PHLPP1: variants seen among roughly 807,000 people sequenced by gnomAD.
PHLPP1 encodes PH domain leucine-rich repeat-containing protein phosphatase 1.
A neutral mutation model predicts 117.2 loss-of-function variants in PHLPP1; 42 were observed. The observed-to-expected ratio is 0.36, with a 90% CI of 0.28 to 0.46. The LOEUF is 0.46. Among genes scored for constraint, PHLPP1 ranks in the 20% least tolerant of loss-of-function variants. The pLI, the probability that PHLPP1 is intolerant of heterozygous loss-of-function variation, is 1.00. For synonymous variants in PHLPP1, 1,042 were observed against 970.7 expected (o/e 1.07, Z -1.37); for missense variants, 2,084 against 2,241.9 (o/e 0.93, Z 1.42).
At chr18:62,748,495 C>T (rs1345611894) in intron 1 of PHLPP1, among the ~76,000 whole-genome samples, 3 of 152,138 alleles carry the variant, frequency 2.0e-5, no homozygotes, top group Admixed American at 6.5e-5. Flanking sequence ...AGTCTGCCGG[C>T]CTTGGCCACC....
intron 1 of PHLPP1, among the ~76,000 whole-genome samples, chr18:62,778,570 T>A (rs555310754): frequency 2.0e-5 from 3 of 152,334 alleles, no homozygotes; most frequent in African/African-American, 7.2e-5. Flanking sequence ...CATCAGGGCC[T>A]TGCTGTTGTT....
chr18:62,772,992 G>A (rs1226494548), intron 1 of PHLPP1, among the ~76,000 whole-genome samples: 2 of 151,816 alleles, frequency 1.3e-5, no homozygotes, highest in Non-Finnish European at 2.9e-5. Flanking sequence ...TGAGTACAAT[G>A]GACCTTTATG....
chr18:62,775,299 C>T (rs1311109197), intron 1 of PHLPP1, among the ~76,000 whole-genome samples: 1 of 152,144 alleles, frequency 6.6e-6, no homozygotes, highest in African/African-American at 2.4e-5. Flanking sequence ...GGGTTTTTAA[C>T]ATGTTGACCA....
At chr18:62,924,819 A>G (rs2144431386) in intron 10 of PHLPP1, among the ~76,000 whole-genome samples, 1 of 150,302 alleles carries the variant, frequency 6.7e-6, no homozygotes, top group East Asian at 2.0e-4. Flanking sequence ...AGCCTGGGTT[A>G]CAGAGTGTGA....
At chr18:62,861,186 T>C (rs1369422648) in intron 4 of PHLPP1, among the ~76,000 whole-genome samples, 1 of 152,134 alleles carries the variant, frequency 6.6e-6, no homozygotes, top group African/African-American at 2.4e-5. Context: ...CTCGGCTCAC[T>C]GCAACCTCCT....
At chr18:62,970,185 T>A (rs1216651606) in intron 14 of PHLPP1, among the ~76,000 whole-genome samples, 1 of 152,238 alleles carries the variant, frequency 6.6e-6, no homozygotes, top group African/African-American at 2.4e-5. Context: ...TACCTTCAAG[T>A]AATAGTAATG....
chr18:62,883,088 T>TA (rs1447675509), intron 4 of PHLPP1, among the ~76,000 whole-genome samples: 1 of 152,032 alleles, frequency 6.6e-6, no homozygotes, highest in African/African-American at 2.4e-5. Flanking sequence ...GATCCAAATG[T>TA]AAAAAATAAA....
intron 8 of PHLPP1, among the ~76,000 whole-genome samples, chr18:62,912,330 TAAA>T (rs1274872770): frequency 7.1e-6 from 1 of 140,640 alleles, no homozygotes; most frequent in African/African-American, 2.6e-5. Context: ...AAAAAAATAA[TAAA>T]AAACCTGATC....
chr18:62,945,167 G>A lies in PHLPP1; in HGVS notation c.3220G>A (p.Ala1074Thr). 1.2e-6 allele frequency: 2 copies of A among 1,612,986 alleles called. No homozygotes were observed. The highest frequency in any genetic ancestry group is 3.3e-4 in the Middle Eastern group (2 of 6,052). Residue 1074 changes from alanine (A) to threonine (T), a missense_variant, in exon 12 of 17, where the codon GCC becomes ACC. Ala to Thr is a moderately conservative substitution (Grantham distance 58). Transcript: ENST00000262719. Reference sequence around the variant, plus strand: ...TGATCTCAGTGGGAATAAGCTGAAAGCCATCCCAACAACGATCATGAATTG... The same window carrying A: ...TGATCTCAGTGGGAATAAGCTGAAAACCATCCCAACAACGATCATGAATTG... ...EIDLSGNKLK[A>T]IPTTIMNCRR...
intron 1 of PHLPP1, among the ~76,000 whole-genome samples, chr18:62,766,076 A>AAAAAAAAAATATATATATATAT: frequency 9.2e-5 from 2 of 21,660 alleles, no homozygotes; most frequent in African/African-American, 3.0e-4. Context: ...AAAAAAAAAA[A>AAAAAAAAAATATATATATATAT]ATATATATAT....
rs1599103009 is a variant in PHLPP1, at chr18:62,887,504, C to T, written c.2067-7507C>T. Among the ~76,000 whole-genome samples the T allele has an allele frequency of 2.0e-5, 3 of 152,286 alleles. No homozygotes were observed. In the South Asian group the frequency reaches 6.2e-4, roughly 32 times the overall value. ...GTGAAGTCCAGGATCAAGGCACCAGCAGGTTTGGTGTCTGGTGAGGACTCA... is the reference window on the plus strand; with the variant it reads ...GTGAAGTCCAGGATCAAGGCACCAGTAGGTTTGGTGTCTGGTGAGGACTCA... On this transcript the variant is annotated intron_variant, in intron 4 of 16. Transcript: ENST00000262719.
Position 62,895,140 on chromosome 18 carries a change from C to A in PHLPP1, c.2196C>A (p.Ala732=), listed in dbSNP as rs758914214. 2 of 1,613,700 alleles carry A rather than the reference C, an allele frequency of 1.2e-6. No individual in the cohort carries two copies. The highest frequency in any genetic ancestry group is 1.7e-6 in the Non-Finnish European group (2 of 1,179,832). ...SCNALRSVPA[A]VGVMHNLQTF... is the part of the protein sequence containing the mutation. ...ATGCCCTGCGATCAGTCCCGGCAGC[C>A]GTTGGAGTGATGCACAAGTGTGTAC... Residue 732 remains alanine (A), a synonymous_variant, in exon 5 of 17, where the codon GCC becomes GCA. Transcript: ENST00000262719.
At chr18:62,891,458 G>A (rs906747177) in intron 4 of PHLPP1, among the ~76,000 whole-genome samples, 5 of 151,954 alleles carry the variant, frequency 3.3e-5, no homozygotes, top group African/African-American at 4.8e-5. Context: ...TGTGGTTCTC[G>A]GCACCTGTAA....
At chr18:62,947,654 T>C (rs2144461783) in intron 12 of PHLPP1, among the ~76,000 whole-genome samples, 1 of 152,352 alleles carries the variant, frequency 6.6e-6, no homozygotes, top group Non-Finnish European at 1.5e-5. Context: ...TCTGTATCTG[T>C]CTTTTAATGT....
chr18:62,967,806 G>A (rs549885282), intron 14 of PHLPP1, among the ~76,000 whole-genome samples: 155 of 150,250 alleles, frequency 1.0e-3, no homozygotes, highest in Non-Finnish European at 1.3e-3. Flanking sequence ...AAATGCATTT[G>A]GTCACGATGT....
intron 1 of PHLPP1, among the ~76,000 whole-genome samples, chr18:62,730,564 G>A (rs998072429): frequency 1.3e-5 from 2 of 152,152 alleles, no homozygotes; most frequent in Non-Finnish European, 2.9e-5. Flanking sequence ...GCTCATGCCT[G>A]TAATCCCAGC....
intron 10 of PHLPP1, among the ~76,000 whole-genome samples, chr18:62,937,698 T>G (rs1910015282): frequency 6.6e-6 from 1 of 152,030 alleles, no homozygotes; most frequent in Non-Finnish European, 1.5e-5. Flanking sequence ...ATCTCTGGGG[T>G]GATGGAAAAA....
chr18:62,764,242 C>T (rs1182306011), intron 1 of PHLPP1, among the ~76,000 whole-genome samples: 2 of 151,750 alleles, frequency 1.3e-5, no homozygotes, highest in Non-Finnish European at 2.9e-5. Flanking sequence ...TTACCTGCAG[C>T]TGCTGTTCTG....
chr18:62,918,031 C>T (rs900112758), intron 9 of PHLPP1, among the ~76,000 whole-genome samples: 2 of 151,518 alleles, frequency 1.3e-5, no homozygotes, highest in African/African-American at 4.9e-5. Flanking sequence ...ATGGTGAAAC[C>T]CCGTCTCTAC....
Sources: gnomAD v4.1 joint callset for allele counts (sites outside exome capture counted in the v4.1 genomes callset) on GRCh38, gnomAD v4.1.1 for gene constraint, MANE v1.5 for transcripts, NCBI Gene and HGNC (gene_info 2026-07-23, HGNC 2026-07-21) for gene names.